RPSA2: variants seen among roughly 807,000 people sequenced by gnomAD.
RPSA2 encodes small ribosomal subunit protein uS2B.
chr19:23,761,851 C>T, the RPSA2 span, among the ~76,000 whole-genome samples: 186 of 149,520 alleles, frequency 1.2e-3, no homozygotes, highest in African/African-American at 4.4e-3. Flanking sequence ...AGCCACTTCA[C>T]ATGGAATGAC....
At chr19:23,847,855 C>T in the RPSA2 span, among the ~76,000 whole-genome samples, 2 of 152,136 alleles carry the variant, frequency 1.3e-5, no homozygotes, top group African/African-American at 2.4e-5. Flanking sequence ...TGTCAATATT[C>T]CTTGCTAAGA....
At chr19:23,800,151 C>G in the RPSA2 span, among the ~76,000 whole-genome samples, 26 of 151,660 alleles carry the variant, frequency 1.7e-4, no homozygotes, top group African/African-American at 6.0e-4. Flanking sequence ...GCCTCAGCCT[C>G]CCAAGTAGCT....
chr19:23,790,652 C>G, the RPSA2 span: 1 of 326,100 alleles, frequency 3.1e-6, no homozygotes, highest in Non-Finnish European at 6.0e-6. Flanking sequence ...AGATGGAGCT[C>G]CAGGTGTCGT....
the RPSA2 span, among the ~76,000 whole-genome samples, chr19:23,766,568 C>G: frequency 6.6e-6 from 1 of 151,448 alleles, no homozygotes; most frequent in Non-Finnish European, 1.5e-5. Flanking sequence ...CATTCTCCTG[C>G]CTCAGCCTTC....
At chr19:23,815,791 G>C in the RPSA2 span, among the ~76,000 whole-genome samples, 2 of 151,780 alleles carry the variant, frequency 1.3e-5, 1 homozygote. Flanking sequence ...CTTTACTTTT[G>C]TCAATATTTG....
chr19:23,836,258 A>G, the RPSA2 span, among the ~76,000 whole-genome samples: 1 of 152,072 alleles, frequency 6.6e-6, no homozygotes, highest in African/African-American at 2.4e-5. Context: ...TTGGTTTTCC[A>G]TTCCTGAGTT....
chr19:23,849,769 A>T, the RPSA2 span, among the ~76,000 whole-genome samples: 1 of 152,132 alleles, frequency 6.6e-6, no homozygotes, highest in African/African-American at 2.4e-5. Flanking sequence ...GTCTATTACT[A>T]AACCATATGA....
chr19:23,770,636 G>A, the RPSA2 span, among the ~76,000 whole-genome samples: 1 of 152,158 alleles, frequency 6.6e-6, no homozygotes, highest in Non-Finnish European at 1.5e-5. Flanking sequence ...TGGGAAGATT[G>A]TGACGAATCA....
the RPSA2 span, among the ~76,000 whole-genome samples, chr19:23,760,197 C>A: frequency 4.6e-5 from 7 of 152,256 alleles, no homozygotes; most frequent in South Asian, 1.5e-3. Context: ...TCCCTTGACT[C>A]CATCCCTATC....
At chr19:23,822,876 C>A in the RPSA2 span, among the ~76,000 whole-genome samples, 1 of 152,184 alleles carries the variant, frequency 6.6e-6, no homozygotes, top group Non-Finnish European at 1.5e-5. Flanking sequence ...TGTGGCTTTC[C>A]CTTTGTCTCT....
At chr19:23,808,498 C>A in the RPSA2 span, among the ~76,000 whole-genome samples, 1 of 152,006 alleles carries the variant, frequency 6.6e-6, no homozygotes, top group African/African-American at 2.4e-5. Flanking sequence ...AACTCCCGAC[C>A]TCGTGATCCC....
At chr19:23,843,603 A>G in the RPSA2 span, among the ~76,000 whole-genome samples, 148,971 of 152,304 alleles carry the variant, frequency 0.98, 72,947 homozygotes, top group Middle Eastern at 1. Flanking sequence ...TATTTTTGAG[A>G]AACTGCATGT....
At chr19:23,837,143 G>C in the RPSA2 span, among the ~76,000 whole-genome samples, 5 of 151,938 alleles carry the variant, frequency 3.3e-5, no homozygotes. Flanking sequence ...AATCCATCTT[G>C]TGTTGATTTT....
chr19:23,782,074 A>G, the RPSA2 span: 1 of 152,834 alleles, frequency 6.5e-6, no homozygotes, highest in Non-Finnish European at 1.5e-5. Flanking sequence ...TTTGCCCTAA[A>G]CATATAGGCC....
At chr19:23,838,743 T>C in the RPSA2 span, among the ~76,000 whole-genome samples, 1 of 101,026 alleles carries the variant, frequency 9.9e-6, no homozygotes, top group Non-Finnish European at 2.0e-5. Context: ...GTAAAGGTGT[T>C]CTTAGGAGCC....
the RPSA2 span, among the ~76,000 whole-genome samples, chr19:23,805,679 G>T: frequency 6.6e-6 from 1 of 152,092 alleles, no homozygotes; most frequent in African/African-American, 2.4e-5. Context: ...GAGAAAAAAT[G>T]ACTTTTTTTC....
chr19:23,795,371 TATC>T, the RPSA2 span, among the ~76,000 whole-genome samples: 1 of 152,170 alleles, frequency 6.6e-6, no homozygotes, highest in Non-Finnish European at 1.5e-5. Flanking sequence ...TTGTAATTCT[TATC>T]ATAGAGATCT....
chr19:23,833,382 T>A, the RPSA2 span: 1 of 201,078 alleles, frequency 5.0e-6, no homozygotes, highest in Non-Finnish European at 9.1e-6. Context: ...GGAGAGAAAC[T>A]TTGCAAACCT....
At chr19:23,813,090 C>T in the RPSA2 span, among the ~76,000 whole-genome samples, 1 of 151,744 alleles carries the variant, frequency 6.6e-6, no homozygotes, top group Non-Finnish European at 1.5e-5. Flanking sequence ...TAAGAAATAG[C>T]CAGGCAGGGT....
Sources: gnomAD v4.1 joint callset for allele counts (sites outside exome capture counted in the v4.1 genomes callset) on GRCh38, gnomAD v4.1.1 for gene constraint, MANE v1.5 for transcripts, NCBI Gene and HGNC (gene_info 2026-07-23, HGNC 2026-07-21) for gene names.